The following NFAT5 variants were observed in gnomAD, a reference collection of about 807,000 sequenced individuals.
NFAT5 encodes the protein nuclear factor of activated T cells 5, also known as nuclear factor of activated T-cells 5.
NFAT5 carries 31 observed loss-of-function variants against 166.5 expected under a neutral mutation model. The ratio of observed to expected loss-of-function variants is 0.19; its 90% CI spans 0.14 to 0.25. NFAT5 has a LOEUF of 0.25. NFAT5 is among the 10% of genes least tolerant of loss of function. NFAT5 has a pLI of 1.00. For synonymous variants in NFAT5, 612 were observed against 639.7 expected, an observed-to-expected ratio of 0.96 and a Z score of 0.65; for missense variants, 1,449 against 1,821.8, an observed-to-expected ratio of 0.80 and a Z score of 3.72.
intron 2 of NFAT5, among the ~76,000 whole-genome samples, chr16:69,618,213 T>A (rs1038253237): frequency 6.6e-6 from 1 of 151,378 alleles, no homozygotes; most frequent in East Asian, 1.9e-4. Flanking sequence ...CTTCCCCAAA[T>A]TGATATAATT....
intron 1 of NFAT5, 135 bp from the exon 2 acceptor site, chr16:69,568,360 G>GTGTA: frequency 2.8e-6 from 1 of 357,630 alleles, no homozygotes; most frequent in Non-Finnish European, 5.1e-6. Flanking sequence ...GTGTGTGTGT[G>GTGTA]TGTGTGTGTG....
chr16:69,575,549 TTGAGCCTGCA>T (rs1169187439), intron 2 of NFAT5, among the ~76,000 whole-genome samples: 3 of 152,022 alleles, frequency 2.0e-5, no homozygotes, highest in Admixed American at 1.3e-4. Flanking sequence ...CAAGGCTGCA[TTGAGCCTGCA>T]TGATCATGGG....
chr16:69,569,404 C>T (rs138513062), intron 2 of NFAT5, among the ~76,000 whole-genome samples: 12 of 151,580 alleles, frequency 7.9e-5, no homozygotes, highest in African/African-American at 1.7e-4. Flanking sequence ...AAGCGGCCAC[C>T]GTGAAATACA....
rs2035850236 is a variant in NFAT5 at position 69,655,765 on chromosome 16, G to A, written c.1162G>A (p.Val388Ile). Reference protein sequence around the residue: ...VDIEGTTVIEVGLDPSNNMTL... With the variant: ...VDIEGTTVIEIGLDPSNNMTL... ...CATTGAAGGCACTACTGTTATAGAA[G>A]TCGGCCTTGATCCTAGCAACAACAT... is the stretch of plus-strand genomic sequence containing the variant. Residue 388 changes from valine (V) to isoleucine (I), a missense_variant, in exon 6 of 15, where the codon GTC becomes ATC. Around this residue, in one of 7 missense-constraint regions of NFAT5, gnomAD observed 245 missense variants for 366.6 expected, o/e 0.67. Coordinates refer to ENST00000349945, the MANE Select transcript of NFAT5 (RefSeq NM_138713.4). 6.2e-7 allele frequency: 1 copy of A among 1,613,658 alleles called. No individual in the cohort carries two copies. The highest frequency in any genetic ancestry group is 1.7e-5 in the Admixed American group (1 of 59,992).
intron 7 of NFAT5, among the ~76,000 whole-genome samples, chr16:69,662,721 A>C (rs1035092299): frequency 6.6e-6 from 1 of 152,048 alleles, no homozygotes; most frequent in African/African-American, 2.4e-5. Flanking sequence ...CGGCCTCCCA[A>C]AGTGCTGGGG....
At chr16:69,671,400 CT>C in intron 9 of NFAT5, among the ~76,000 whole-genome samples, 1 of 152,288 alleles carries the variant, frequency 6.6e-6, no homozygotes, top group East Asian at 1.9e-4. Context: ...TTAAGACAGT[CT>C]TGCTCTGTCG....
chr16:69,642,447 G>A (rs1164155273), intron 3 of NFAT5, among the ~76,000 whole-genome samples: 2 of 152,116 alleles, frequency 1.3e-5, no homozygotes, highest in Admixed American at 6.5e-5. Flanking sequence ...ATTTCTATGA[G>A]TAAATTATAG....
In NFAT5 at chr16:69,695,389, G is replaced by A; in HGVS notation, c.*8+10G>A. ...CCTTTTAACTGGATATGTAAGTATT[G>A]CATTTTGGCTTCTTATTGAAAAGCA... On this transcript the variant is annotated intron_variant, in intron 14 of 14. Transcript: ENST00000349945. 2 of 1,572,708 alleles carry A rather than the reference G, an allele frequency of 1.3e-6. No homozygotes were observed. The highest frequency in any genetic ancestry group is 1.7e-4 in the Middle Eastern group (1 of 5,966).
intron 2 of NFAT5, among the ~76,000 whole-genome samples, chr16:69,583,851 A>T (rs2031860424): frequency 6.6e-6 from 1 of 152,200 alleles, no homozygotes; most frequent in Non-Finnish European, 1.5e-5. Context: ...TGCTCTAGTT[A>T]TATGTAACCT....
At chr16:69,590,270 A>G (rs188015822) in intron 2 of NFAT5, among the ~76,000 whole-genome samples, 4 of 152,338 alleles carry the variant, frequency 2.6e-5, no homozygotes, top group Admixed American at 2.6e-4. Flanking sequence ...TAAAAACTCT[A>G]GTATTGTAAA....
In NFAT5 at chr16:69,649,347, T is replaced by C. The variant is rs1026066326; in HGVS notation, c.812+1761T>C. On this transcript the variant is annotated intron_variant, in intron 4 of 14. Transcript: ENST00000349945. ...GTTGAAGGTTCAAATTTAGAGCAAA[T>C]AGAATTTTTACTTATGGCTAGTAAA... 26 of 972,804 alleles carry C rather than the reference T, an allele frequency of 2.7e-5. No homozygotes were observed. The African/African-American group carries it at 3.7e-4, about 14-fold the overall frequency. 60.3% of individuals were successfully genotyped at this position (972,804 alleles called of 1,614,324 possible). A position where few individuals can be genotyped will look rare whatever the true frequency, so the allele number is the denominator to read the frequency against.
rs2037570433 is a variant in NFAT5 at position 69,692,075 on chromosome 16, A to G, written c.2250A>G (p.Ser750=). 6.2e-7 allele frequency: 1 copy of G among 1,614,046 alleles called. No homozygotes were observed. The highest frequency in any genetic ancestry group is 1.7e-5 in the Admixed American group (1 of 60,006). The change falls in exon 13 of 15, where the codon TCA becomes TCG. Residue 750 remains serine, a synonymous_variant. Coordinates refer to ENST00000349945, the MANE Select transcript of NFAT5 (RefSeq NM_138713.4). ...CAGATGGTACAGTGGTTAATTTGTCACAACTGACTGAGGCATCACAACAAC... is the reference window on the plus strand; with the variant it reads ...CAGATGGTACAGTGGTTAATTTGTCGCAACTGACTGAGGCATCACAACAAC... ...LQSDGTVVNL[S]QLTEASQQQQ... is the part of the protein sequence containing the mutation.
At chr16:69,613,431 T>G (rs1298089298) in intron 2 of NFAT5, among the ~76,000 whole-genome samples, 1 of 152,190 alleles carries the variant, frequency 6.6e-6, no homozygotes, top group East Asian at 1.9e-4. Flanking sequence ...AAACCCTTAC[T>G]GCTTAGCATG....
At chr16:69,648,638 C>T (rs1271243963) in intron 4 of NFAT5, 1 of 971,752 alleles carries the variant, frequency 1.0e-6, no homozygotes, top group Non-Finnish European at 1.2e-6. Context: ...ACTTTTAATT[C>T]CTTTAGTAAT....
rs1597506282 is a variant in NFAT5 at position 69,667,593 on chromosome 16, G to A, written c.1370-2384G>A. On this transcript the variant is annotated intron_variant, in intron 7 of 14. Transcript: ENST00000349945. Reference sequence around the variant, plus strand: ...TATTCTAAACCTTGGGGCCTCATTTGGCTGTCTTATGCCTTTAACAAATAA... The same window carrying A: ...TATTCTAAACCTTGGGGCCTCATTTAGCTGTCTTATGCCTTTAACAAATAA... Among the ~76,000 whole-genome samples, 3 of 151,780 alleles carry A rather than the reference G, an allele frequency of 2.0e-5. No homozygotes were observed. The East Asian group carries it at 5.8e-4, about 29-fold the overall frequency.
chr16:69,699,804 G>A lies in NFAT5; in HGVS notation c.*3453G>A, dbSNP rs2037864298. ...TCAGCAACTCACATTAATGCTTGGA[G>A]CTTATCTCTTTCTCTCTCTCTCTCT... On this transcript the variant is annotated 3_prime_UTR_variant, in exon 15 of 15. Transcript: ENST00000349945. The A allele has an allele frequency of 6.6e-6, 1 of 151,690 alleles. No individual in the cohort carries two copies. The highest frequency in any genetic ancestry group is 2.4e-5 in the African/African-American group (1 of 41,190). 9.4% of individuals were successfully genotyped at this position (151,690 alleles called of 1,614,324 possible). A position where few individuals can be genotyped will look rare whatever the true frequency, so the allele number is the denominator to read the frequency against.
At chr16:69,605,915 T>G (rs1401724758) in intron 2 of NFAT5, among the ~76,000 whole-genome samples, 2 of 152,026 alleles carry the variant, frequency 1.3e-5, no homozygotes, top group Non-Finnish European at 2.9e-5. Context: ...GGGTTTCACC[T>G]TGTTAGCCAG....
At chr16:69,635,036 T>G (rs1406593092) in intron 3 of NFAT5, among the ~76,000 whole-genome samples, 5 of 148,416 alleles carry the variant, frequency 3.4e-5, no homozygotes, top group Admixed American at 6.7e-5. Flanking sequence ...TTTTTTTTTT[T>G]TTTTTTTTTT....
intron 2 of NFAT5, among the ~76,000 whole-genome samples, chr16:69,598,596 G>A (rs2151536956): frequency 6.6e-6 from 1 of 152,170 alleles, no homozygotes; most frequent in African/African-American, 2.4e-5. Flanking sequence ...GATGCTTATG[G>A]GATATTGAAC....
Sources: allele counts gnomAD v4.1 joint callset (sites outside exome capture counted in the v4.1 genomes callset), GRCh38; gene constraint gnomAD v4.1.1; regional missense constraint gnomAD v4.1.1; transcripts MANE v1.5; gene names NCBI Gene and HGNC (gene_info 2026-07-23, HGNC 2026-07-21).